Variants in QTMAN observed in about 807,000 individuals in gnomAD.
The protein encoded by QTMAN is queuosine-tRNA mannosyltransferase, also known as tRNA-queuosine alpha-mannosyltransferase.
At chr2:144,118,019 T>G in the QTMAN span, among the ~76,000 whole-genome samples, 1 of 152,090 alleles carries the variant, frequency 6.6e-6, no homozygotes, top group East Asian at 1.9e-4. Flanking sequence ...CTAATTTTTT[T>G]GTATTTTTAG....
At chr2:144,240,398 T>C in the QTMAN span, among the ~76,000 whole-genome samples, 1 of 152,180 alleles carries the variant, frequency 6.6e-6, no homozygotes, top group Non-Finnish European at 1.5e-5. Context: ...AATGACTCCT[T>C]TATCAATTAA....
the QTMAN span, among the ~76,000 whole-genome samples, chr2:144,323,551 C>T: frequency 1.6e-4 from 24 of 152,150 alleles, no homozygotes; most frequent in Admixed American, 5.2e-4. Flanking sequence ...AAAAAGTTAG[C>T]GTTACTATGA....
At chr2:144,232,462 T>A in the QTMAN span, among the ~76,000 whole-genome samples, 1 of 152,230 alleles carries the variant, frequency 6.6e-6, no homozygotes, top group Non-Finnish European at 1.5e-5. Context: ...TTCACATTAA[T>A]AATTCAAACA....
chr2:143,995,964 C>T, the QTMAN span, among the ~76,000 whole-genome samples: 10 of 152,148 alleles, frequency 6.6e-5, no homozygotes, highest in African/African-American at 2.2e-4. Context: ...TATCCACTTA[C>T]TCAGGCCAAA....
the QTMAN span, among the ~76,000 whole-genome samples, chr2:144,177,633 C>CAAATTTCAA: frequency 1.3e-5 from 2 of 152,024 alleles, no homozygotes; most frequent in Non-Finnish European, 1.5e-5. Flanking sequence ...TGCACCCAGG[C>CAAATTTCAA]AAATTTCAAA....
At chr2:144,019,513 T>C in the QTMAN span, among the ~76,000 whole-genome samples, 4 of 149,490 alleles carry the variant, frequency 2.7e-5, no homozygotes, top group Admixed American at 6.7e-5. Context: ...GAAGGTTGCG[T>C]GTTCCACAGA....
chr2:144,297,577 C>CTTTTT, the QTMAN span, among the ~76,000 whole-genome samples: 7 of 119,298 alleles, frequency 5.9e-5, no homozygotes, highest in East Asian at 2.4e-4. Flanking sequence ...AGGATTCCGT[C>CTTTTT]TTTTTTTTTT....
At chr2:144,232,503 ATT>A in the QTMAN span, among the ~76,000 whole-genome samples, 59 of 152,276 alleles carry the variant, frequency 3.9e-4, no homozygotes, top group African/African-American at 1.3e-3. Flanking sequence ...TTTCAGTCAC[ATT>A]TGTTACACTG....
At chr2:144,222,067 G>GT in the QTMAN span, among the ~76,000 whole-genome samples, 352 of 147,124 alleles carry the variant, frequency 2.4e-3, no homozygotes, top group African/African-American at 4.0e-3. Context: ...AAAGTTTTTT[G>GT]TTTTTTTTTT....
the QTMAN span, among the ~76,000 whole-genome samples, chr2:144,133,564 T>A: frequency 8.5e-6 from 1 of 117,798 alleles, no homozygotes; most frequent in African/African-American, 3.2e-5. Context: ...ATATAAATAT[T>A]ATAATAAAAA....
At chr2:144,074,983 A>G in the QTMAN span, among the ~76,000 whole-genome samples, 1 of 152,238 alleles carries the variant, frequency 6.6e-6, no homozygotes. Flanking sequence ...GCAAAGAGTG[A>G]AAAGCTCAAG....
At chr2:144,061,165 A>C in the QTMAN span, among the ~76,000 whole-genome samples, 8 of 152,304 alleles carry the variant, frequency 5.3e-5, no homozygotes, top group East Asian at 1.5e-3. Context: ...ACAGGACCAA[A>C]ATATCTTCTG....
At chr2:144,110,538 TATAAAAA>T in the QTMAN span, among the ~76,000 whole-genome samples, 5 of 151,842 alleles carry the variant, frequency 3.3e-5, no homozygotes, top group African/African-American at 7.2e-5. Context: ...CTTAAAGTGT[TATAAAAA>T]ATAAAAAATA....
chr2:143,979,611 A>T, the QTMAN span, among the ~76,000 whole-genome samples: 1 of 152,226 alleles, frequency 6.6e-6, no homozygotes, highest in Non-Finnish European at 1.5e-5. Context: ...GATTTGTATA[A>T]GCATATTTTT....
the QTMAN span, among the ~76,000 whole-genome samples, chr2:144,182,787 A>ATATATATATATTATATATATAT: frequency 2.4e-5 from 1 of 42,096 alleles, no homozygotes; most frequent in African/African-American, 7.2e-5. Context: ...CAGGTACATT[A>ATATATATATATTATATATATAT]TATATATATA....
the QTMAN span, among the ~76,000 whole-genome samples, chr2:143,975,978 T>C: frequency 6.6e-6 from 1 of 152,200 alleles, no homozygotes; most frequent in Non-Finnish European, 1.5e-5. Flanking sequence ...TAAATGAAGG[T>C]GTAGGAAAAG....
At chr2:144,141,549 G>C in the QTMAN span, among the ~76,000 whole-genome samples, 1 of 148,962 alleles carries the variant, frequency 6.7e-6, no homozygotes. Flanking sequence ...TAAGCTGAAT[G>C]CAAAGGTTGA....
the QTMAN span, among the ~76,000 whole-genome samples, chr2:144,051,924 C>T: frequency 1.3e-5 from 2 of 152,212 alleles, no homozygotes; most frequent in African/African-American, 4.8e-5. Context: ...TTCAACTTTA[C>T]TCTCTCTTAC....
chr2:144,206,668 C>A, the QTMAN span, among the ~76,000 whole-genome samples: 2 of 152,118 alleles, frequency 1.3e-5, no homozygotes, highest in African/African-American at 4.8e-5. Context: ...TTTATATCAC[C>A]ATCTTTCAGA....
Sources: allele counts gnomAD v4.1 joint callset (sites outside exome capture counted in the v4.1 genomes callset), GRCh38; gene constraint gnomAD v4.1.1; transcripts MANE v1.5; gene names NCBI Gene and HGNC (gene_info 2026-07-23, HGNC 2026-07-21).